The following TNS3 variants were observed in gnomAD, a reference collection of about 807,000 sequenced individuals.
The protein encoded by TNS3 is tensin-3.
TNS3 carries 45 observed loss-of-function variants against 140.9 expected under a neutral mutation model. The ratio of observed to expected loss-of-function variants is 0.32; its 90% CI spans 0.25 to 0.41. The LOEUF (loss-of-function observed/expected upper bound fraction) is 0.41, where lower values mean the gene tolerates loss of function less well. Among genes scored for constraint, TNS3 ranks in the 10% least tolerant of loss-of-function variants. The probability of loss-of-function intolerance (pLI) is 1.00; values close to 1 mark genes in which losing one functional copy is unlikely to be tolerated. For synonymous variants in TNS3, 815 were observed against 788.4 expected, an observed-to-expected ratio of 1.03 and a Z score of -0.56; for missense variants, 1,716 against 1,906.7, an observed-to-expected ratio of 0.90 and a Z score of 1.86.
intron 2 of TNS3, among the ~76,000 whole-genome samples, chr7:47,518,658 T>C (rs1251205307): frequency 6.6e-6 from 1 of 152,128 alleles, no homozygotes; most frequent in East Asian, 1.9e-4. Context: ...AAGACCCCCA[T>C]CTCTACAAGA....
chr7:47,464,635 A>G (rs1006658630), intron 4 of TNS3, among the ~76,000 whole-genome samples: 2 of 152,172 alleles, frequency 1.3e-5, no homozygotes, highest in African/African-American at 4.8e-5. Flanking sequence ...AGTGGGCACA[A>G]AGAGTTTGTA....
chr7:47,569,557 T>A (rs1800505986), intron 1 of TNS3, among the ~76,000 whole-genome samples: 1 of 140,626 alleles, frequency 7.1e-6, no homozygotes, highest in African/African-American at 2.7e-5. Flanking sequence ...CACACATACA[T>A]ACATATTACA....
intron 21 of TNS3, 55 bp downstream of exon 21, chr7:47,304,777 G>T: frequency 7.5e-7 from 1 of 1,333,754 alleles, no homozygotes; most frequent in Non-Finnish European, 9.7e-7. Context: ...ATGCCTCTCA[G>T]CATTCTGGGT....
intron 3 of TNS3, among the ~76,000 whole-genome samples, chr7:47,500,168 G>A (rs111763442): frequency 2.6e-5 from 4 of 152,136 alleles, no homozygotes; most frequent in Non-Finnish European, 5.9e-5. Context: ...CTCTCATTTC[G>A]TCCTGTGGGG....
At chr7:47,486,736 C>T (rs1167513260) in intron 3 of TNS3, among the ~76,000 whole-genome samples, 3 of 152,120 alleles carry the variant, frequency 2.0e-5, no homozygotes, top group Non-Finnish European at 4.4e-5. Context: ...TTTTGATGAA[C>T]ACAATAAAAC....
chr7:47,344,867 T>C (rs765710514), intron 19 of TNS3, 29 bp from the exon 20 acceptor site: 2 of 1,613,612 alleles, frequency 1.2e-6, no homozygotes, highest in South Asian at 2.2e-5. Flanking sequence ...CAAGGGGCTG[T>C]TGTCACCCTC....
At chr7:47,459,511 G>A (rs1354507814) in intron 4 of TNS3, among the ~76,000 whole-genome samples, 1 of 152,118 alleles carries the variant, frequency 6.6e-6, no homozygotes, top group East Asian at 1.9e-4. Context: ...CTCTCTGCAA[G>A]CACCTTCATC....
intron 20 of TNS3, among the ~76,000 whole-genome samples, chr7:47,307,067 T>C (rs1786802378): frequency 6.6e-6 from 1 of 152,204 alleles, no homozygotes; most frequent in South Asian, 2.1e-4. Context: ...CTGGATATGC[T>C]TAAAGTAAAT....
intron 13 of TNS3, among the ~76,000 whole-genome samples, chr7:47,410,343 C>T (rs923401149): frequency 2.0e-5 from 3 of 152,198 alleles, no homozygotes; most frequent in Non-Finnish European, 4.4e-5. Context: ...GCACCCCAAA[C>T]CTCAGCTTTC....
chr7:47,389,778 T>G (rs1457788668), intron 16 of TNS3, among the ~76,000 whole-genome samples: 1 of 152,246 alleles, frequency 6.6e-6, no homozygotes, highest in Non-Finnish European at 1.5e-5. Flanking sequence ...CGATCACGCC[T>G]GCAAGGGGGT....
intron 1 of TNS3, among the ~76,000 whole-genome samples, chr7:47,543,182 T>C (rs1167362690): frequency 1.3e-5 from 2 of 152,212 alleles, no homozygotes; most frequent in African/African-American, 4.8e-5. Flanking sequence ...TCTCTTTCCC[T>C]GTGCAGCCAG....
intron 16 of TNS3, among the ~76,000 whole-genome samples, chr7:47,390,413 C>T (rs1268775881): frequency 3.3e-5 from 5 of 152,180 alleles, no homozygotes; most frequent in Non-Finnish European, 7.3e-5. Context: ...TCCTGGAGCT[C>T]GGAACAGTAC....
chr7:47,313,624 C>T (rs1562583380), intron 20 of TNS3, among the ~76,000 whole-genome samples: 1 of 152,196 alleles, frequency 6.6e-6, no homozygotes, highest in Non-Finnish European at 1.5e-5. Context: ...GTGGTTCCCA[C>T]AAAGCCACGG....
intron 4 of TNS3, among the ~76,000 whole-genome samples, chr7:47,458,126 A>G (rs142165298): frequency 2.6e-3 from 391 of 152,320 alleles, no homozygotes; most frequent in Non-Finnish European, 4.3e-3. Context: ...GGGTGATCTT[A>G]CTCAATTTCT....
intron 1 of TNS3, among the ~76,000 whole-genome samples, chr7:47,572,061 T>C (rs1173856479): frequency 6.6e-6 from 1 of 152,204 alleles, no homozygotes; most frequent in Non-Finnish European, 1.5e-5. Context: ...CTGCTAGGTG[T>C]GAGGCTGCAG....
chr7:47,404,764 G>A (rs760398500), intron 13 of TNS3, among the ~76,000 whole-genome samples: 2 of 152,060 alleles, frequency 1.3e-5, no homozygotes, highest in African/African-American at 2.4e-5. Context: ...GGCGCCTGTA[G>A]TCCCAGCTAC....
chr7:47,461,548 G>T (rs1042026930), intron 4 of TNS3, among the ~76,000 whole-genome samples: 10 of 152,142 alleles, frequency 6.6e-5, no homozygotes, highest in Non-Finnish European at 1.3e-4. Context: ...CCCTGTCCAG[G>T]AACATCATTG....
At chr7:47,358,055 C>T (rs1380819681) in intron 17 of TNS3, among the ~76,000 whole-genome samples, 2 of 152,210 alleles carry the variant, frequency 1.3e-5, no homozygotes, top group Non-Finnish European at 2.9e-5. Context: ...TCTGTACAGG[C>T]TTCAATGCCT....
intron 5 of TNS3, among the ~76,000 whole-genome samples, chr7:47,440,315 T>C (rs79627380): frequency 0.11 from 17,237 of 151,798 alleles, 1,309 homozygotes; most frequent in African/African-American, 0.22. Flanking sequence ...ATCTACTGAG[T>C]AGCAACTCAG....
Sources: allele counts gnomAD v4.1 joint callset (sites outside exome capture counted in the v4.1 genomes callset), GRCh38; gene constraint gnomAD v4.1.1; transcripts MANE v1.5; gene names NCBI Gene and HGNC (gene_info 2026-07-23, HGNC 2026-07-21).